Variants in DPYD observed in about 807,000 individuals in gnomAD.
The protein encoded by DPYD is dihydropyrimidine dehydrogenase [NADP(+)].
DPYD carries 109 observed loss-of-function variants against 116.2 expected under a neutral mutation model. That is an observed-to-expected ratio of 0.94 (90% CI 0.80 to 1.10). DPYD has a LOEUF of 1.10. Ranked by LOEUF, DPYD falls within the 50% of genes least tolerant of loss-of-function variation. The pLI is 0.00. For synonymous variants in DPYD, 440 were observed against 432.0 expected, an observed-to-expected ratio of 1.02 and a Z score of -0.23; for missense variants, 1,302 against 1,254.5, an observed-to-expected ratio of 1.04 and a Z score of -0.57.
At chr1:97,441,110 A>T (rs1675771557) in intron 14 of DPYD, among the ~76,000 whole-genome samples, 1 of 151,274 alleles carries the variant, frequency 6.6e-6, no homozygotes. Context: ...TGCTTTTAAG[A>T]TTTTTCTCTT....
intron 20 of DPYD, among the ~76,000 whole-genome samples, chr1:97,156,264 G>T (rs193147520): frequency 6.6e-5 from 10 of 152,078 alleles, no homozygotes; most frequent in African/African-American, 2.4e-4. Flanking sequence ...AGCCTCCAGG[G>T]TTCCATTCTG....
At chr1:97,856,543 A>G (rs914787140) in intron 2 of DPYD, 2 of 152,240 alleles carry the variant, frequency 1.3e-5, no homozygotes, top group Admixed American at 6.5e-5. Flanking sequence ...CCTGCACATA[A>G]GACAAATTAT....
intron 8 of DPYD, among the ~76,000 whole-genome samples, chr1:97,635,837 T>A (rs1285468806): frequency 6.6e-6 from 1 of 152,170 alleles, no homozygotes; most frequent in African/African-American, 2.4e-5. Context: ...TCTTTGTTTT[T>A]GAGACAGGAT....
At chr1:97,719,793 T>C in intron 5 of DPYD, 1 of 984,556 alleles carries the variant, frequency 1.0e-6, no homozygotes, top group Non-Finnish European at 1.2e-6. Context: ...TAATTTATAA[T>C]TTGATATTGA....
chr1:97,588,966 G>A (rs190808575), intron 10 of DPYD, among the ~76,000 whole-genome samples: 4 of 152,316 alleles, frequency 2.6e-5, no homozygotes, highest in Admixed American at 2.6e-4. Context: ...CATCAGAGCA[G>A]TGGACCAGCA....
chr1:97,323,953 A>C (rs1416822605), intron 16 of DPYD, among the ~76,000 whole-genome samples: 2 of 151,882 alleles, frequency 1.3e-5, no homozygotes, highest in Admixed American at 1.3e-4. Flanking sequence ...AAACCAGTAC[A>C]TGATCTAGGC....
At chr1:97,184,944 C>T (rs1657892560) in intron 20 of DPYD, among the ~76,000 whole-genome samples, 1 of 152,082 alleles carries the variant, frequency 6.6e-6, no homozygotes, top group Admixed American at 6.6e-5. Flanking sequence ...AAAGAATGGA[C>T]ATTCTTGCCC....
intron 14 of DPYD, among the ~76,000 whole-genome samples, chr1:97,449,562 T>C (rs1367030879): frequency 6.6e-6 from 1 of 152,180 alleles, no homozygotes; most frequent in Non-Finnish European, 1.5e-5. Context: ...GGCATGGTTC[T>C]TTAAGAGAAA....
At chr1:97,619,100 T>A (rs1009632446) in intron 8 of DPYD, among the ~76,000 whole-genome samples, 6 of 152,234 alleles carry the variant, frequency 3.9e-5, no homozygotes, top group Non-Finnish European at 8.8e-5. Context: ...AAGGATTATA[T>A]ACTTTGGTAA....
chr1:97,352,215 T>C (rs1286018404), intron 16 of DPYD, among the ~76,000 whole-genome samples: 2 of 152,192 alleles, frequency 1.3e-5, no homozygotes, highest in Non-Finnish European at 2.9e-5. Context: ...AGTGCCAATG[T>C]GGCGTGTCCA....
intron 8 of DPYD, among the ~76,000 whole-genome samples, chr1:97,610,352 T>C (rs1218308768): frequency 6.6e-6 from 1 of 152,026 alleles, no homozygotes; most frequent in Non-Finnish European, 1.5e-5. Context: ...TGAGCTGTGA[T>C]ACCACAGCCG....
At chr1:97,249,426 T>C (rs1170068848) in intron 18 of DPYD, among the ~76,000 whole-genome samples, 1 of 152,012 alleles carries the variant, frequency 6.6e-6, no homozygotes, top group Non-Finnish European at 1.5e-5. Context: ...AATGAAACCA[T>C]GGCCTCTACC....
chr1:97,427,821 C>A (rs563491036), intron 14 of DPYD, among the ~76,000 whole-genome samples: 21 of 152,160 alleles, frequency 1.4e-4, no homozygotes, highest in Admixed American at 3.3e-4. Context: ...TATAAAAATT[C>A]TCAGTAATTT....
At chr1:97,768,218 T>C (rs977266527) in intron 3 of DPYD, among the ~76,000 whole-genome samples, 6 of 152,134 alleles carry the variant, frequency 3.9e-5, no homozygotes, top group African/African-American at 1.4e-4. Context: ...CTTGGAGCCA[T>C]ATAATATACA....
chr1:97,366,332 G>T (rs752831449), intron 16 of DPYD, among the ~76,000 whole-genome samples: 2 of 152,038 alleles, frequency 1.3e-5, no homozygotes, highest in African/African-American at 2.4e-5. Context: ...TTATTTTAAA[G>T]AACTTCAAAA....
intron 16 of DPYD, among the ~76,000 whole-genome samples, chr1:97,319,591 T>C (rs1350702824): frequency 1.5e-5 from 2 of 134,900 alleles, no homozygotes; most frequent in Non-Finnish European, 3.1e-5. Context: ...CAATAATCAA[T>C]AGTTTACCAA....
At chr1:97,203,230 C>T (rs1273696471) in intron 19 of DPYD, among the ~76,000 whole-genome samples, 1 of 152,068 alleles carries the variant, frequency 6.6e-6, no homozygotes, top group Non-Finnish European at 1.5e-5. Context: ...ATTGTGCATG[C>T]TCAGCACCTC....
At chr1:97,545,149 C>G (rs1475620977) in intron 12 of DPYD, among the ~76,000 whole-genome samples, 1 of 152,080 alleles carries the variant, frequency 6.6e-6, no homozygotes, top group East Asian at 1.9e-4. Flanking sequence ...TTGGTAAATA[C>G]AGCTATGTAC....
At chr1:97,250,715 T>C (rs1354557097) in intron 18 of DPYD, among the ~76,000 whole-genome samples, 1 of 152,186 alleles carries the variant, frequency 6.6e-6, no homozygotes, top group African/African-American at 2.4e-5. Context: ...ATTTAGTTTA[T>C]ATGAAGTTTT....
Sources: allele counts gnomAD v4.1 joint callset (sites outside exome capture counted in the v4.1 genomes callset), GRCh38; gene constraint gnomAD v4.1.1; transcripts MANE v1.5; gene names NCBI Gene and HGNC (gene_info 2026-07-23, HGNC 2026-07-21).